ACBD6: variants seen among roughly 807,000 people sequenced by gnomAD.
ACBD6 encodes the protein acyl-CoA-binding domain-containing protein 6.
Under a neutral mutation model 37.2 loss-of-function variants are expected in ACBD6, and 28 were observed. The observed-to-expected ratio is 0.75, with a 90% CI of 0.56 to 1.03. The LOEUF (loss-of-function observed/expected upper bound fraction) is 1.03. Among genes scored for constraint, ACBD6 ranks in the 50% least tolerant of loss-of-function variants. The pLI, the probability that ACBD6 is intolerant of heterozygous loss-of-function variation, is 0.00. For missense variants in ACBD6, 340 were observed against 337.4 expected, an observed-to-expected ratio of 1.01 and a Z score of -0.06; for synonymous variants, 113 against 126.8, an observed-to-expected ratio of 0.89 and a Z score of 0.73.
At chr1:180,462,812 A>G (rs1650203774) in intron 3 of ACBD6, among the ~76,000 whole-genome samples, 1 of 152,168 alleles carries the variant, frequency 6.6e-6, no homozygotes, top group Non-Finnish European at 1.5e-5. Context: ...TGACTCTAAA[A>G]TCGGTCACAT....
intron 6 of ACBD6, among the ~76,000 whole-genome samples, chr1:180,322,248 T>C (rs1044121293): frequency 5.3e-5 from 8 of 152,106 alleles, no homozygotes; most frequent in African/African-American, 1.9e-4. Context: ...TAATGTATCA[T>C]TGAATTTAGT....
At chr1:180,426,546 C>T (rs949768836) in intron 4 of ACBD6, among the ~76,000 whole-genome samples, 3 of 152,252 alleles carry the variant, frequency 2.0e-5, no homozygotes, top group East Asian at 3.9e-4. Context: ...TTGTTACTCT[C>T]GTTTCTATAG....
rs550051726 is a variant in ACBD6, at chr1:180,386,301, A to T, written c.663+11215T>A. ...GATGTAAGCCCATCATAAGTTGAGG[A>T]GCATCTGCAGTGTACTTTTTCCTTC... On this transcript the variant is annotated intron_variant, in intron 6 of 7. Coordinates refer to ENST00000367595, the MANE Select transcript of ACBD6 (RefSeq NM_032360.4). Among the ~76,000 whole-genome samples the T allele has an allele frequency of 3.9e-5, 6 of 152,322 alleles. No individual in the cohort carries two copies. The South Asian group carries it at 6.2e-4, about 16-fold the overall frequency.
intron 6 of ACBD6, among the ~76,000 whole-genome samples, chr1:180,388,540 T>TAATA: frequency 6.6e-6 from 1 of 152,322 alleles, no homozygotes; most frequent in Admixed American, 6.5e-5. Context: ...ACTAACAAAC[T>TAATA]GTCAGAACTA....
At position 180,457,975 on chromosome 1, in the gene ACBD6, T is replaced by C. The variant is rs560582597; in HGVS notation, c.385-27713A>G. Among the ~76,000 whole-genome samples the C allele has an allele frequency of 5.3e-5, 8 of 152,138 alleles. No individual in the cohort carries two copies. The East Asian group carries it at 1.5e-3, about 29-fold the overall frequency. ...ACCCAGCTAAATTTTGTATTTTTTT[T>C]AGTAGAGACAGGATTTCACCATGTT... On this transcript the variant is annotated intron_variant, in intron 3 of 7. Coordinates refer to ENST00000367595, the MANE Select transcript of ACBD6 (RefSeq NM_032360.4).
chr1:180,428,008 C>T (rs1458049896), intron 4 of ACBD6, among the ~76,000 whole-genome samples: 4 of 151,364 alleles, frequency 2.6e-5, no homozygotes, highest in Non-Finnish European at 5.9e-5. Context: ...ATAAAAAGAA[C>T]TCTCCCAATA....
At chr1:180,359,275 A>T (rs1040276964) in intron 6 of ACBD6, among the ~76,000 whole-genome samples, 1 of 152,216 alleles carries the variant, frequency 6.6e-6, no homozygotes, top group African/African-American at 2.4e-5. Context: ...GCTAGCCACA[A>T]ATTCAACGTA....
At chr1:180,274,495 C>G in intron 10 of ACBD6, 1 of 1,613,756 alleles carries the variant, frequency 6.2e-7, no homozygotes, top group Non-Finnish European at 8.5e-7. Flanking sequence ...CCTCTGACAT[C>G]TCCACAGGAA....
intron 6 of ACBD6, among the ~76,000 whole-genome samples, chr1:180,343,494 C>CT (rs1652056842): frequency 6.6e-6 from 1 of 152,126 alleles, no homozygotes. Flanking sequence ...TCTGTTCTGA[C>CT]TTATAGGATT....
exon 14 of ACBD6, chr1:180,271,466 C>G: frequency 6.2e-7 from 1 of 1,614,182 alleles, no homozygotes; most frequent in Non-Finnish European, 8.5e-7. Context: ...CAAGAACTCC[C>G]CCAAGCCTGC....
chr1:180,299,898 T>TA (rs943684251), intron 7 of ACBD6, among the ~76,000 whole-genome samples: 10 of 151,292 alleles, frequency 6.6e-5, no homozygotes, highest in South Asian at 2.1e-4. Context: ...ATCTGAAGAT[T>TA]AAAAAAAAAC....
intron 6 of ACBD6, among the ~76,000 whole-genome samples, chr1:180,347,806 C>A (rs541033636): frequency 6.6e-6 from 1 of 152,036 alleles, no homozygotes; most frequent in Non-Finnish European, 1.5e-5. Context: ...CCCATCTCTA[C>A]TAAAAATACA....
At chr1:180,307,305 A>G (rs977070771) in intron 7 of ACBD6, among the ~76,000 whole-genome samples, 2 of 152,186 alleles carry the variant, frequency 1.3e-5, no homozygotes, top group Non-Finnish European at 2.9e-5. Flanking sequence ...CTAAAAATAA[A>G]AACAATGGAA....
chr1:180,442,998 C>A (rs955459852), intron 3 of ACBD6, among the ~76,000 whole-genome samples: 59 of 107,998 alleles, frequency 5.5e-4, no homozygotes, highest in Non-Finnish European at 1.0e-3. Flanking sequence ...CCTGCCCCCA[C>A]TTTTTTTTTT....
At position 180,478,998 on chromosome 1, in the gene ACBD6, T is replaced by C. The variant is rs988463046; in HGVS notation, c.384+13271A>G. ...AGAAAAAGAAAATTCGCTGGTGTGA[T>C]GGCACACACCTGTAGTCCCAGCTAC... is the stretch of plus-strand genomic sequence containing the variant. On this transcript the variant is annotated intron_variant, in intron 3 of 7. Transcript: ENST00000367595. Among the ~76,000 whole-genome samples the C allele has an allele frequency of 2.0e-5, 3 of 152,222 alleles. No individual in the cohort carries two copies. The East Asian group carries it at 5.8e-4, about 29-fold the overall frequency.
intron 4 of ACBD6, among the ~76,000 whole-genome samples, chr1:180,419,962 C>A (rs916661226): frequency 3.3e-5 from 5 of 152,166 alleles, no homozygotes; most frequent in Admixed American, 1.3e-4. Flanking sequence ...AGTACCAATC[C>A]TTTCACCATT....
At chr1:180,433,654 A>G (rs1648904713) in intron 3 of ACBD6, among the ~76,000 whole-genome samples, 1 of 151,764 alleles carries the variant, frequency 6.6e-6, no homozygotes, top group Non-Finnish European at 1.5e-5. Context: ...AGTGCGCACA[A>G]AAGAGATTTG....
intron 8 of ACBD6, among the ~76,000 whole-genome samples, chr1:180,283,031 A>G (rs949740556): frequency 2.3e-5 from 3 of 127,876 alleles, no homozygotes; most frequent in Admixed American, 1.0e-4. Flanking sequence ...CTAAAGTGCT[A>G]TAAACATATC....
intron 6 of ACBD6, among the ~76,000 whole-genome samples, chr1:180,396,850 T>C (rs1039462506): frequency 5.3e-5 from 8 of 152,194 alleles, no homozygotes; most frequent in Non-Finnish European, 1.2e-4. Flanking sequence ...CTGCTGGGCA[T>C]GAAAAATGGT....
Sources: allele counts gnomAD v4.1 joint callset (sites outside exome capture counted in the v4.1 genomes callset), GRCh38; gene constraint gnomAD v4.1.1; transcripts MANE v1.5; gene names NCBI Gene and HGNC (gene_info 2026-07-23, HGNC 2026-07-21).